The following MYO5C variants were observed in gnomAD, a reference collection of about 807,000 sequenced individuals.
The protein encoded by MYO5C is myosin VC.
MYO5C carries 194 observed loss-of-function variants against 235.7 expected under a neutral mutation model. The ratio of observed to expected loss-of-function variants is 0.82; its 90% CI spans 0.73 to 0.93. The LOEUF (loss-of-function observed/expected upper bound fraction) is 0.93. Ranked by LOEUF, MYO5C falls within the 40% of genes least tolerant of loss-of-function variation. The probability of loss-of-function intolerance (pLI) is 0.00; values close to 1 mark genes in which losing one functional copy is unlikely to be tolerated. For synonymous variants in MYO5C, 707 were observed against 754.8 expected (o/e 0.94, Z 1.04); for missense variants, 2,038 against 2,127.2 (o/e 0.96, Z 0.82).
Position 52,196,354 on chromosome 15 carries a change from A to C in MYO5C, c.4950T>G (p.Asp1650Glu). The change falls in exon 39 of 41, where the codon GAT becomes GAG. Residue 1650 changes from aspartate (D) to glutamate (E), a missense_variant. Coordinates refer to ENST00000261839, the MANE Select transcript of MYO5C (RefSeq NM_018728.4). ...LLQVKKTTDS[D>E]AKEIYERCTS... ...TGCAGCGTTCGTAGATCTCCTTGGC[A>C]TCACTGTCTGTGGTCTTCTTGACCT... The C allele has an allele frequency of 6.2e-7, 1 of 1,613,998 alleles. No homozygotes were observed. The highest frequency in any genetic ancestry group is 8.5e-7 in the Non-Finnish European group (1 of 1,179,990).
In MYO5C at chr15:52,279,612, C is replaced by A. The variant is rs773096829; in HGVS notation, c.201G>T (p.Val67=). 7 of 1,613,920 alleles carry A rather than the reference C, an allele frequency of 4.3e-6. No individual in the cohort carries two copies. In the South Asian group the frequency reaches 7.7e-5, roughly 18 times the overall value. Residue 67 remains valine, a synonymous_variant, in exon 3 of 41, where the codon GTG becomes GTT. Coordinates refer to ENST00000261839, the MANE Select transcript of MYO5C (RefSeq NM_018728.4). ...TGAGAGCCGTGAGGTCATTCTCGCC[C>A]ACGAGGATGTCAGGATTCCGAAGTG... The part of the protein sequence containing the change: ...LPPLRNPDIL[V]GENDLTALSY...
At chr15:52,252,424 T>G (rs1212630031) in intron 12 of MYO5C, among the ~76,000 whole-genome samples, 1 of 152,128 alleles carries the variant, frequency 6.6e-6, no homozygotes, top group East Asian at 1.9e-4. Flanking sequence ...GTTGCGAAAT[T>G]TGATCTTGAT....
chr15:52,225,164 A>C, intron 26 of MYO5C, 26 bp from the exon 27 acceptor site: 1 of 1,611,892 alleles, frequency 6.2e-7, no homozygotes, highest in Non-Finnish European at 8.5e-7. Context: ...AGAGTTGTAT[A>C]TATTACATTT....
At position 52,277,203 on chromosome 15, in the gene MYO5C, A is replaced by G. The variant is rs368310603; in HGVS notation, c.450-1485T>C. On this transcript the variant is annotated intron_variant, in intron 4 of 40. Coordinates refer to ENST00000261839, the MANE Select transcript of MYO5C (RefSeq NM_018728.4). ...CAGCCCTGAGGGACACTACCTGTCT[A>G]GCATCAAACAAGGCCAACACGAGCC... The G allele has an allele frequency of 4.9e-5, 26 of 531,082 alleles. No homozygotes were observed. In the African/African-American group the frequency reaches 5.1e-4, roughly 10 times the overall value. 32.9% of individuals were successfully genotyped at this position (531,082 alleles called of 1,614,324 possible).
At chr15:52,200,162 C>T (rs1037009769) in intron 38 of MYO5C, among the ~76,000 whole-genome samples, 7 of 152,220 alleles carry the variant, frequency 4.6e-5, no homozygotes, top group Admixed American at 4.6e-4. Flanking sequence ...AACCCTTACA[C>T]ATGGAAATGG....
intron 11 of MYO5C, among the ~76,000 whole-genome samples, chr15:52,255,620 T>C (rs755941195): frequency 1.3e-5 from 2 of 152,224 alleles, no homozygotes; most frequent in Non-Finnish European, 2.9e-5. Flanking sequence ...CATTGACTTC[T>C]GTTAGGAGCA....
Position 52,196,323 on chromosome 15 carries a change from G to A in MYO5C, c.4981C>T (p.Leu1661=). The stretch of plus-strand genomic sequence containing the variant: ...AGCCTGGTCACCTGCACAGCAGACA[G>A]TGAGGTGCAGCGTTCGTAGATCTCC... ...AKEIYERCTS[L]SAVQIIKILN... The change falls in exon 39 of 41, where the codon CTG becomes TTG. Residue 1661 remains leucine, a synonymous_variant. Transcript: ENST00000261839. 6.2e-7 allele frequency: 1 copy of A among 1,610,892 alleles called. No individual in the cohort carries two copies. Among genetic ancestry groups the A allele is most frequent in the Non-Finnish European group, 8.5e-7 (1 of 1,178,890 alleles).
chr15:52,193,850 A>G lies in MYO5C; in HGVS notation c.*52T>C. The G allele has an allele frequency of 6.4e-7, 1 of 1,571,576 alleles. No homozygotes were observed. The highest frequency in any genetic ancestry group is 8.6e-7 in the Non-Finnish European group (1 of 1,159,960). Reference sequence around the variant, plus strand: ...CCAATTAATAAAACACATCCCTCATATTGAACCTTCACTTAGCTTTTGAAG... The same window carrying G: ...CCAATTAATAAAACACATCCCTCATGTTGAACCTTCACTTAGCTTTTGAAG... On this transcript the variant is annotated 3_prime_UTR_variant, in exon 41 of 41. Coordinates refer to ENST00000261839, the MANE Select transcript of MYO5C (RefSeq NM_018728.4).
intron 23 of MYO5C, 129 bp downstream of exon 23, chr15:52,235,540 GT>G: frequency 1.6e-6 from 1 of 614,016 alleles, no homozygotes; most frequent in South Asian, 3.0e-5. Flanking sequence ...GCTATTCCTT[GT>G]GAGCAAAAAT....
intron 16 of MYO5C, among the ~76,000 whole-genome samples, chr15:52,246,501 G>C (rs1037039056): frequency 6.6e-6 from 1 of 152,144 alleles, no homozygotes; most frequent in African/African-American, 2.4e-5. Context: ...GCTCTAGCAA[G>C]CTACAAGGGA....
At chr15:52,293,317 T>C (rs1204192999) in intron 1 of MYO5C, among the ~76,000 whole-genome samples, 1 of 152,104 alleles carries the variant, frequency 6.6e-6, no homozygotes, top group Non-Finnish European at 1.5e-5. Context: ...CCCGCTGGCC[T>C]GTCCCTCACC....
intron 4 of MYO5C, chr15:52,278,135 A>G: frequency 2.8e-6 from 1 of 354,362 alleles, no homozygotes; most frequent in Non-Finnish European, 5.6e-6. Context: ...GGCAGCTACA[A>G]AGATAGGGTG....
intron 19 of MYO5C, among the ~76,000 whole-genome samples, chr15:52,243,848 T>C (rs1180489935): frequency 6.6e-6 from 1 of 152,192 alleles, no homozygotes; most frequent in African/African-American, 2.4e-5. Context: ...CCCTCAGCCC[T>C]TGGCTTGGCT....
chr15:52,229,023 T>C, intron 25 of MYO5C, 110 bp downstream of exon 25: 1 of 1,258,762 alleles, frequency 7.9e-7, no homozygotes, highest in South Asian at 1.5e-5. Context: ...CAGGCTCCAG[T>C]TGCCTGTGGC....
At chr15:52,208,687 T>G (rs1209170503) in intron 35 of MYO5C, 44 bp from the exon 36 acceptor site, 1 of 1,543,400 alleles carries the variant, frequency 6.5e-7, no homozygotes, top group Admixed American at 1.7e-5. Context: ...GATGATTACT[T>G]GTACCTCTGA....
chr15:52,246,261 G>C (rs994571008), intron 16 of MYO5C, among the ~76,000 whole-genome samples: 1 of 152,220 alleles, frequency 6.6e-6, no homozygotes, highest in East Asian at 1.9e-4. Flanking sequence ...TCTGATGGAG[G>C]TGGCATTGAG....
rs1216536637 is a variant in MYO5C, at chr15:52,237,589, C to T, written c.2761G>A (p.Gly921Arg). 1 of 1,614,108 alleles carries T rather than the reference C, an allele frequency of 6.2e-7. No homozygotes were observed. The highest frequency in any genetic ancestry group is 8.5e-7 in the Non-Finnish European group (1 of 1,180,034). Residue 921 changes from glycine (G) to arginine (R), a missense_variant, in exon 22 of 41, where the codon GGG becomes AGG. Transcript: ENST00000261839. ...AGCTTCTGAATCTTTTCCACATCCCCAGCTCGAAGAGCAGCCAGGCTAGTC... is the reference window on the plus strand; with the variant it reads ...AGCTTCTGAATCTTTTCCACATCCCTAGCTCGAAGAGCAGCCAGGCTAGTC... ...KLTSLAALRA[G>R]DVEKIQKLEA...
At chr15:52,208,788 T>C (rs926235232) in intron 35 of MYO5C, 145 bp from the exon 36 acceptor site, 27 of 592,738 alleles carry the variant, frequency 4.6e-5, no homozygotes, top group Admixed American at 2.7e-4. Flanking sequence ...ATTATACTTA[T>C]AAGAACTTAT....
At chr15:52,227,784 A>G (rs1566970014) in intron 25 of MYO5C, among the ~76,000 whole-genome samples, 1 of 152,194 alleles carries the variant, frequency 6.6e-6, no homozygotes, top group Non-Finnish European at 1.5e-5. Flanking sequence ...CAGAAAAGAC[A>G]GACACTTCAG....
Sources: gnomAD v4.1 joint callset for allele counts (sites outside exome capture counted in the v4.1 genomes callset) on GRCh38, gnomAD v4.1.1 for gene constraint, MANE v1.5 for transcripts, NCBI Gene and HGNC (gene_info 2026-07-23, HGNC 2026-07-21) for gene names.